The following PLD1 variants were observed in gnomAD, a reference collection of about 807,000 sequenced individuals.
The protein encoded by PLD1 is choline phosphatase 1.
A neutral mutation model predicts 137.1 loss-of-function variants in PLD1; 112 were observed. The observed-to-expected ratio is 0.82, with a 90% confidence interval of 0.70 to 0.96. PLD1 has a LOEUF of 0.96. Ranked by LOEUF, PLD1 falls within the 40% of genes least tolerant of loss-of-function variation. PLD1 has a pLI of 0.00. For synonymous variants in PLD1, 431 were observed against 454.7 expected (o/e 0.95, Z 0.66); for missense variants, 1,321 against 1,342.0 (o/e 0.98, Z 0.24).
intron 1 of PLD1, chr3:171,809,080 C>T (rs1724002679): frequency 6.6e-6 from 1 of 152,232 alleles, no homozygotes; most frequent in Non-Finnish European, 1.5e-5. Context: ...CCGCCTCAGC[C>T]TCCCAAAGTG....
intron 13 of PLD1, among the ~76,000 whole-genome samples, chr3:171,689,611 C>CATGG (rs1714946698): frequency 6.6e-6 from 1 of 152,102 alleles, no homozygotes; most frequent in Non-Finnish European, 1.5e-5. Context: ...AACGATCCTT[C>CATGG]TGCCTCAGCC....
chr3:171,624,918 G>C (rs1733952785), intron 23 of PLD1, among the ~76,000 whole-genome samples: 2 of 152,174 alleles, frequency 1.3e-5, no homozygotes, highest in African/African-American at 4.8e-5. Flanking sequence ...ACCAATAGGG[G>C]ATGGATAAGT....
At position 171,644,930 on chromosome 3, in the gene PLD1, T is replaced by TA. The variant is rs1736069916; in HGVS notation, c.2522_2523insT (p.Ile842AsnfsTer26). 6.2e-7 allele frequency: 1 copy of TA among 1,612,232 alleles called. No homozygotes were observed. Among genetic ancestry groups the TA allele is most frequent in the East Asian group, 2.2e-5 (1 of 44,878 alleles). On this transcript the variant is annotated frameshift_variant, in exon 22 of 27. Transcript: ENST00000351298. LOFTEE classifies it high-confidence loss of function. ...GGCACCTGTAGTTGAAGTGCATGAT[T>TA]GCCTGTAGAGCATTTCCTCCGCCGG...
chr3:171,656,342 T>C (rs1340419310), intron 21 of PLD1, among the ~76,000 whole-genome samples: 1 of 152,056 alleles, frequency 6.6e-6, no homozygotes, highest in Non-Finnish European at 1.5e-5. Context: ...AGCTAATTTT[T>C]GTACTATTAG....
In PLD1 at chr3:171,654,113, C is replaced by T. The variant is rs531767824; in HGVS notation, c.2429+5100G>A. 68 of 359,962 alleles carry T rather than the reference C, an allele frequency of 1.9e-4. No individual in the cohort carries two copies. The East Asian group carries it at 2.6e-3, about 14-fold the overall frequency. 22.3% of individuals were successfully genotyped at this position (359,962 alleles called of 1,614,324 possible). ...GTTAGGAGTTCAAAGCTAGCCTGGC[C>T]GACATGGTGAAACCCCGTCTCCACC... On this transcript the variant is annotated intron_variant, in intron 21 of 26. Coordinates refer to ENST00000351298, the MANE Select transcript of PLD1 (RefSeq NM_002662.5).
At chr3:171,762,034 G>A (rs1721432561) in intron 1 of PLD1, among the ~76,000 whole-genome samples, 1 of 152,276 alleles carries the variant, frequency 6.6e-6, no homozygotes, top group East Asian at 1.9e-4. Context: ...AGTTTACTGT[G>A]AACTTTATCA....
intron 19 of PLD1, among the ~76,000 whole-genome samples, chr3:171,667,660 A>C (rs1712284542): frequency 6.6e-6 from 1 of 152,208 alleles, no homozygotes; most frequent in Admixed American, 6.5e-5. Context: ...GAGCCCCAGC[A>C]GTTACAACCA....
intron 24 of PLD1, among the ~76,000 whole-genome samples, chr3:171,618,726 G>T (rs1005851431): frequency 7.7e-6 from 1 of 130,606 alleles, no homozygotes; most frequent in African/African-American, 3.9e-5. Flanking sequence ...GTGTATGTGT[G>T]TGTGTGTGTG....
At chr3:171,782,926 C>A (rs1722848159) in intron 1 of PLD1, among the ~76,000 whole-genome samples, 1 of 152,160 alleles carries the variant, frequency 6.6e-6, no homozygotes, top group Non-Finnish European at 1.5e-5. Flanking sequence ...GCAAGAGCAA[C>A]AGATGGGGTC....
At chr3:171,731,869 G>C (rs1329840284) in intron 6 of PLD1, among the ~76,000 whole-genome samples, 1 of 152,074 alleles carries the variant, frequency 6.6e-6, no homozygotes, top group South Asian at 2.1e-4. Flanking sequence ...GGTCACTCTG[G>C]GATTTCTAAA....
rs537830366 is a variant in PLD1, at chr3:171,742,565, T to C, written c.-31-4483A>G. ...ATGGATTCCTAAGCCAAAAATTATATCATAATGTATGAACGTAAAAAAAAA... is the reference window on the plus strand; with the variant it reads ...ATGGATTCCTAAGCCAAAAATTATACCATAATGTATGAACGTAAAAAAAAA... On this transcript the variant is annotated intron_variant, in intron 1 of 26. Transcript: ENST00000351298. Among the ~76,000 whole-genome samples, 20 of 152,280 alleles carry C rather than the reference T, an allele frequency of 1.3e-4. No homozygotes were observed. In the South Asian group the frequency reaches 3.1e-3, roughly 24 times the overall value.
chr3:171,693,406 G>C (rs1304983502), intron 12 of PLD1, among the ~76,000 whole-genome samples: 2 of 152,090 alleles, frequency 1.3e-5, no homozygotes, highest in Non-Finnish European at 2.9e-5. Context: ...GTTCTGGTTG[G>C]TGACAGGCTT....
At chr3:171,719,072 T>G (rs1717890843) in intron 8 of PLD1, among the ~76,000 whole-genome samples, 1 of 152,184 alleles carries the variant, frequency 6.6e-6, no homozygotes, top group Non-Finnish European at 1.5e-5. Flanking sequence ...ATGTTGGTTC[T>G]TCTTTAGACT....
intron 23 of PLD1, 51 bp from the exon 24 acceptor site, chr3:171,620,571 A>C (rs1578118885): frequency 9.0e-7 from 1 of 1,105,118 alleles, no homozygotes; most frequent in East Asian, 2.4e-5. Context: ...AGCTCAATAA[A>C]CGTACATTAA....
intron 1 of PLD1, among the ~76,000 whole-genome samples, chr3:171,782,403 T>C (rs923882252): frequency 6.6e-5 from 10 of 152,198 alleles, no homozygotes; most frequent in African/African-American, 2.4e-4. Context: ...TATATAAATT[T>C]TACTTCAAAA....
At chr3:171,745,273 T>C (rs780465633) in intron 1 of PLD1, among the ~76,000 whole-genome samples, 32 of 152,226 alleles carry the variant, frequency 2.1e-4, no homozygotes, top group Non-Finnish European at 5.9e-5. Flanking sequence ...GTGCCTGTAC[T>C]GAAAGGCACG....
intron 25 of PLD1, among the ~76,000 whole-genome samples, chr3:171,606,428 T>G (rs1578086167): frequency 6.6e-6 from 1 of 152,186 alleles, no homozygotes; most frequent in Non-Finnish European, 1.5e-5. Flanking sequence ...AATCTGAGAA[T>G]TGTCCTCATG....
At chr3:171,623,033 T>A (rs1733767897) in intron 23 of PLD1, among the ~76,000 whole-genome samples, 2 of 151,802 alleles carry the variant, frequency 1.3e-5, no homozygotes, top group Admixed American at 1.3e-4. Flanking sequence ...GACACAAGAG[T>A]AGACTTGAAC....
chr3:171,750,649 C>A (rs1720588601), intron 1 of PLD1, among the ~76,000 whole-genome samples: 1 of 152,036 alleles, frequency 6.6e-6, no homozygotes, highest in East Asian at 1.9e-4. Context: ...TGAAAGCAGC[C>A]AGAGAAAAAT....
Sources: allele counts gnomAD v4.1 joint callset (sites outside exome capture counted in the v4.1 genomes callset), GRCh38; gene constraint gnomAD v4.1.1; transcripts MANE v1.5; gene names NCBI Gene and HGNC (gene_info 2026-07-23, HGNC 2026-07-21).